Variants in SCARF2 observed in about 807,000 individuals in gnomAD.
SCARF2 encodes the protein scavenger receptor class F member 2, also known as scavenger receptor expressed by endothelial cells 2 protein.
A neutral mutation model predicts 73.4 loss-of-function variants in SCARF2; 39 were observed. That is an observed-to-expected ratio of 0.53 (90% CI 0.41 to 0.69). SCARF2 has a LOEUF of 0.69. SCARF2 is among the 30% of genes least tolerant of loss of function. SCARF2 has a pLI of 0.00. For missense variants in SCARF2, 1,148 were observed against 1,303.5 expected (o/e 0.88, Z 1.84); for synonymous variants, 605 against 590.0 (o/e 1.03, Z -0.37).
rs146628881 is a variant in SCARF2, at chr22:20,424,926, G to A, written c.*449C>T. 82 of 157,244 alleles carry A rather than the reference G, an allele frequency of 5.2e-4. No homozygotes were observed. Among genetic ancestry groups the A allele is most frequent in the African/African-American group, 1.1e-3 (45 of 41,768 alleles). The allele number at this position is 157,244 out of a possible 1,614,324, so 9.7% of individuals were successfully genotyped here. A position where few individuals can be genotyped will look rare whatever the true frequency, so the allele number is the denominator to read the frequency against. ...AAGTAGCCCCGGGCTCTATTGGGAC[G>A]GCCAAGGGAGGGAGCCTCCAGCCAG... On this transcript the variant is annotated 3_prime_UTR_variant, in exon 11 of 11. Coordinates refer to ENST00000622235, the MANE Select transcript of SCARF2 (RefSeq NM_182895.5).
chr22:20,430,652 G>A (rs1418137557), intron 5 of SCARF2, 38 bp downstream of exon 5: 1 of 1,599,126 alleles, frequency 6.3e-7, no homozygotes, highest in Non-Finnish European at 8.5e-7. Context: ...CAGGGCGGGG[G>A]ACTGCGTGTC....
At chr22:20,433,222 A>G (rs2052666406) in intron 1 of SCARF2, among the ~76,000 whole-genome samples, 1 of 152,198 alleles carries the variant, frequency 6.6e-6, no homozygotes, top group African/African-American at 2.4e-5. Flanking sequence ...GCCCACATTC[A>G]GGGGCAGAGG....
At position 20,425,963 on chromosome 22, in the gene SCARF2, CT is replaced by C; in HGVS notation, c.2012del (p.Lys671SerfsTer268). ...TKPKVSWIHG[K>X]HSAAAAGRAP... ...CACGGCCAGCTGCAGCGGCGCTGTG[CT>C]TGCCGTGGATCCAGGACACCTTAGG... On this transcript the variant is annotated frameshift_variant, in exon 11 of 11. Transcript: ENST00000622235. LOFTEE classifies it low-confidence loss of function (END_TRUNC). This position sits in a 1 kb window ranked among gnomAD's most constrained non-coding sequence, Gnocchi z 4.6. 1.3e-6 allele frequency: 2 copies of C among 1,594,548 alleles called. No homozygotes were observed. Among genetic ancestry groups the C allele is most frequent in the Non-Finnish European group, 1.7e-6 (2 of 1,174,848 alleles).
chr22:20,427,673 G>T, intron 9 of SCARF2, 123 bp from the exon 10 acceptor site: 2 of 1,131,122 alleles, frequency 1.8e-6, no homozygotes, highest in Non-Finnish European at 1.3e-6. Flanking sequence ...GGACTGCAGG[G>T]GGCACAGGCA....
chr22:20,428,005 C>A (rs1387879207), intron 9 of SCARF2, among the ~76,000 whole-genome samples: 2 of 152,214 alleles, frequency 1.3e-5, no homozygotes, highest in African/African-American at 4.8e-5. Flanking sequence ...TCTCAGCAAG[C>A]TGCACCCTAG....
rs1267797517 is a variant in SCARF2 at position 20,426,082 on chromosome 22, G to A, written c.1894C>T (p.Arg632Trp). The A allele has an allele frequency of 6.6e-7, 1 of 1,525,306 alleles. No individual in the cohort carries two copies. Among genetic ancestry groups the A allele is most frequent in the Non-Finnish European group, 8.7e-7 (1 of 1,146,848 alleles). The allele number at this position is 1,525,306 out of a possible 1,614,324, so 94.5% of individuals were successfully genotyped here. The stretch of plus-strand genomic sequence containing the variant: ...ATCTCGCCCCGGGCCCGGGCCGGCC[G>A]GGCCTCGCGTCGGGCCACGCGCGCG... ...LYARVARREA[R>W]PARARGEIGG... Residue 632 changes from arginine (R) to tryptophan (W), a missense_variant, in exon 11 of 11, where the codon CGG becomes TGG. Physicochemically the swap from Arg to Trp is moderately radical, Grantham distance 101 (BLOSUM62 -3). Around this residue, in one of 5 missense-constraint regions of SCARF2, gnomAD observed 437 missense variants for 433.6 expected, o/e 1.01. Transcript: ENST00000622235.
At chr22:20,432,347 G>A (rs1026355969) in intron 1 of SCARF2, among the ~76,000 whole-genome samples, 4 of 152,204 alleles carry the variant, frequency 2.6e-5, no homozygotes, top group Non-Finnish European at 5.9e-5. Flanking sequence ...CAAATGTGAG[G>A]GTCTAGGGCA....
rs146647010 is a variant in SCARF2, at chr22:20,428,479, T to G, written c.1540+746A>C. On this transcript the variant is annotated intron_variant, in intron 9 of 10. Coordinates refer to ENST00000622235, the MANE Select transcript of SCARF2 (RefSeq NM_182895.5). ...GCCACCACACCCGGCTACTTTCGTATTTTTAGTAGAGACCGGGTTTCTCCA... is the reference window on the plus strand; with the variant it reads ...GCCACCACACCCGGCTACTTTCGTAGTTTTAGTAGAGACCGGGTTTCTCCA... 4.1e-3 allele frequency among the ~76,000 whole-genome samples: 618 copies of G among 152,244 alleles called. 2 individuals are homozygous for G. The highest frequency in any genetic ancestry group is 0.017 in the Middle Eastern group (5 of 294).
chr22:20,436,211 C>T (rs997919529), intron 1 of SCARF2, among the ~76,000 whole-genome samples: 1 of 152,222 alleles, frequency 6.6e-6, no homozygotes, highest in Admixed American at 6.5e-5. Flanking sequence ...CTGGAGCAGG[C>T]GCCTCCTGGG....
At position 20,425,435 on chromosome 22, in the gene SCARF2, C is replaced by A; in HGVS notation, c.2541G>T (p.Pro847=). The A allele has an allele frequency of 7.0e-7, 1 of 1,428,288 alleles. No homozygotes were observed. Among genetic ancestry groups the A allele is most frequent in the South Asian group, 1.5e-5 (1 of 68,640 alleles). 88.5% of individuals were successfully genotyped at this position (1,428,288 alleles called of 1,614,324 possible). ...CCGCCGCCTCCCGGCTCTTCTTGCG[C>A]GGCGGCTTCTGGATGGGGGTCTTCT... ...PRKKTPIQKP[P]RKKSREAAGE... Residue 847 remains proline, a synonymous_variant, in exon 11 of 11, where the codon CCG becomes CCT. Transcript: ENST00000622235. This position sits in a 1 kb window ranked among gnomAD's most constrained non-coding sequence, Gnocchi z 4.6.
Position 20,425,426 on chromosome 22 carries a change from C to G in SCARF2, c.2550G>C (p.Lys850Asn). Residue 850 changes from lysine to asparagine, a missense_variant, in exon 11 of 11, where the codon AAG (lysine) becomes AAC (asparagine). Lys to Asn is a moderately conservative substitution (Grantham distance 94, BLOSUM62 0). Around this residue, in one of 5 missense-constraint regions of SCARF2, gnomAD observed 169 missense variants for 136.9 expected, o/e 1.23. Coordinates refer to ENST00000622235, the MANE Select transcript of SCARF2 (RefSeq NM_182895.5). This position sits in a 1 kb window ranked among gnomAD's most constrained non-coding sequence, Gnocchi z 4.6. The stretch of plus-strand genomic sequence containing the variant: ...CCAGCTCGCCCGCCGCCTCCCGGCT[C>G]TTCTTGCGCGGCGGCTTCTGGATGG... Reference protein sequence around the residue: ...KTPIQKPPRKKSREAAGELGR... With the variant: ...KTPIQKPPRKNSREAAGELGR... The G allele has an allele frequency of 7.0e-7, 1 of 1,432,318 alleles. No individual in the cohort carries two copies. 88.7% of individuals were successfully genotyped at this position (1,432,318 alleles called of 1,614,324 possible).
rs750173602 is a variant in SCARF2, at chr22:20,429,555, C to A, written c.1405G>T (p.Gly469Cys). 1 of 1,613,010 alleles carries A rather than the reference C, an allele frequency of 6.2e-7. No individual in the cohort carries two copies. Among genetic ancestry groups the A allele is most frequent in the Non-Finnish European group, 8.5e-7 (1 of 1,179,764 alleles). ...GCTCACCGGCGCGTAGGGTCCTTGCCGCGGCAAGCGCAGCAGCAGCCGAGC... is the reference window on the plus strand; with the variant it reads ...GCTCACCGGCGCGTAGGGTCCTTGCAGCGGCAAGCGCAGCAGCAGCCGAGC... The part of the protein sequence containing the change: ...SLLGCCCACR[G>C]KDPTRRELSL... Residue 469 changes from glycine (G) to cysteine (C), a missense_variant, in exon 8 of 11, where the codon GGC becomes TGC. Physicochemically the swap from Gly to Cys is radical, Grantham distance 159. Transcript: ENST00000622235. The surrounding 1 kb of genome is among the most constrained non-coding windows in gnomAD (Gnocchi z 5.2).
Position 20,431,779 on chromosome 22 carries a change from G to A in SCARF2, c.300C>T (p.Cys100=), listed in dbSNP as rs746235547. ...AGTTGGCACCGAAGTAGCCGTGGCGGCAGCGGCACTCGCCAGGCCTCACGC... is the reference window on the plus strand; with the variant it reads ...AGTTGGCACCGAAGTAGCCGTGGCGACAGCGGCACTCGCCAGGCCTCACGC... The part of the protein sequence containing the change: ...EVCVRPGECR[C]RHGYFGANCD... Residue 100 remains cysteine (C), a synonymous_variant, in exon 3 of 11, where the codon TGC becomes TGT. Transcript: ENST00000622235. The A allele has an allele frequency of 1.3e-6, 2 of 1,591,520 alleles. No homozygotes were observed. Among genetic ancestry groups the A allele is most frequent in the South Asian group, 1.1e-5 (1 of 87,614 alleles).
Position 20,425,303 on chromosome 22 carries a change from A to G in SCARF2, c.*72T>C, listed in dbSNP as rs888636720. 15 of 1,230,284 alleles carry G rather than the reference A, an allele frequency of 1.2e-5. No individual in the cohort carries two copies. Among genetic ancestry groups the G allele is most frequent in the Admixed American group, 3.9e-5 (1 of 25,606 alleles). 76.2% of individuals were successfully genotyped at this position (1,230,284 alleles called of 1,614,324 possible). On this transcript the variant is annotated 3_prime_UTR_variant, in exon 11 of 11. Transcript: ENST00000622235. This position sits in a 1 kb window ranked among gnomAD's most constrained non-coding sequence, Gnocchi z 4.6. ...CAATAGGAGGCCGCCCGTGCCCGGT[A>G]GCGTGGGAGGTGTGGGGTGGCGGGC...
In SCARF2 at chr22:20,431,809, C is replaced by A; in HGVS notation, c.270G>T (p.Glu90Asp). 1.9e-6 allele frequency: 3 copies of A among 1,598,470 alleles called. No homozygotes were observed. Among genetic ancestry groups the A allele is most frequent in the Non-Finnish European group, 2.6e-6 (3 of 1,173,734 alleles). The change falls in exon 3 of 11, where the codon GAG becomes GAT. Residue 90 changes from glutamate (E) to aspartate (D), a missense_variant. Around this residue, in one of 5 missense-constraint regions of SCARF2, gnomAD observed 372 missense variants for 532.0 expected, o/e 0.70. Coordinates refer to ENST00000622235, the MANE Select transcript of SCARF2 (RefSeq NM_182895.5). ...CEGNSTCSEN[E>D]VCVRPGECRC... is the part of the protein sequence containing the mutation. Reference sequence around the variant, plus strand: ...GGCACTCGCCAGGCCTCACGCACACCTCGTTCTCTGAGCACGTGGAGTTGC... The same window carrying A: ...GGCACTCGCCAGGCCTCACGCACACATCGTTCTCTGAGCACGTGGAGTTGC...
chr22:20,434,993 A>T (rs2052684965), intron 1 of SCARF2, among the ~76,000 whole-genome samples: 1 of 152,144 alleles, frequency 6.6e-6, no homozygotes, highest in African/African-American at 2.4e-5. Flanking sequence ...AAGCTCACTG[A>T]ACACTGACAA....
intron 6 of SCARF2, 191 bp from the exon 7 acceptor site, chr22:20,430,024 C>T (rs2052624855): frequency 1.5e-6 from 1 of 649,540 alleles, no homozygotes; most frequent in Non-Finnish European, 2.7e-6. Context: ...GTTTTGGAAA[C>T]GAATGTTGCA....
In SCARF2 at chr22:20,431,732, A is replaced by G. The variant is rs1214268466; in HGVS notation, c.334+13T>C. On this transcript the variant is annotated intron_variant, in intron 3 of 10. Coordinates refer to ENST00000622235, the MANE Select transcript of SCARF2 (RefSeq NM_182895.5). Reference sequence around the variant, plus strand: ...CGCCCCACCGACCAATACCGGCCCGACCCCACGCTCACTGGTGTCGCAGTT... The same window carrying G: ...CGCCCCACCGACCAATACCGGCCCGGCCCCACGCTCACTGGTGTCGCAGTT... The G allele has an allele frequency of 1.4e-6, 2 of 1,473,566 alleles. No homozygotes were observed. The highest frequency in any genetic ancestry group is 2.9e-5 in the African/African-American group (2 of 68,758). The allele number at this position is 1,473,566 out of a possible 1,614,324, so 91.3% of individuals were successfully genotyped here.
In SCARF2 at chr22:20,431,418, A is replaced by AGC; in HGVS notation, c.452_453dup (p.Cys152AlafsTer153). Reference sequence around the variant, plus strand: ...TGCTGGCACTGGCACGCATGCTCGCAGCGCGCGCCCCAGCGCCGCGCGTGA... The same window carrying AGC: ...TGCTGGCACTGGCACGCATGCTCGCAGCGCGCGCGCCCCAGCGCCGCGCGTGA... On this transcript the variant is annotated frameshift_variant, in exon 4 of 11. Transcript: ENST00000622235. LOFTEE classifies it high-confidence loss of function. 6.5e-7 allele frequency: 1 copy of AGC among 1,540,978 alleles called. No individual in the cohort carries two copies. Among genetic ancestry groups the AGC allele is most frequent in the Non-Finnish European group, 8.7e-7 (1 of 1,150,254 alleles).
Sources: allele counts gnomAD v4.1 joint callset (sites outside exome capture counted in the v4.1 genomes callset), GRCh38; gene constraint gnomAD v4.1.1; regional missense constraint gnomAD v4.1.1; non-coding constraint Gnocchi (gnomAD v3.1); transcripts MANE v1.5; gene names NCBI Gene and HGNC (gene_info 2026-07-23, HGNC 2026-07-21).